Variants in PLA2G2C observed in about 807,000 individuals in gnomAD.
PLA2G2C encodes putative inactive group IIC secretory phospholipase A2.
In PLA2G2C, 15 loss-of-function variants were observed where a neutral mutation model predicts 14.3. The observed-to-expected ratio is 1.05, with a 90% CI of 0.70 to 1.62. The LOEUF (loss-of-function observed/expected upper bound fraction) is 1.62, where lower values mean the gene tolerates loss of function less well. PLA2G2C is among the 40% of genes most tolerant of loss of function. PLA2G2C has a pLI of 0.00. For synonymous variants in PLA2G2C, 79 were observed against 67.7 expected (o/e 1.17, Z -0.82); for missense variants, 162 against 173.2 (o/e 0.94, Z 0.36).
At position 20,172,907 on chromosome 1, in the gene PLA2G2C, G is replaced by T; in HGVS notation, c.180-10C>A. ...AGATGAGGGGCTGTGCCTGGAAGTG[G>T]GTCCCTCAGGAATCTGCTGGAGGAC... On this transcript the variant is annotated splice_polypyrimidine_tract_variant and intron_variant, in intron 3 of 4. Coordinates refer to ENST00000679259, the MANE Select transcript of PLA2G2C (RefSeq NM_001367969.2). 6.2e-7 allele frequency: 1 copy of T among 1,607,038 alleles called. No homozygotes were observed. The highest frequency in any genetic ancestry group is 8.5e-7 in the Non-Finnish European group (1 of 1,174,180).
At chr1:20,184,541 G>C (rs1458620805) in intron 1 of PLA2G2C, 1 of 152,226 alleles carries the variant, frequency 6.6e-6, no homozygotes, top group Admixed American at 6.5e-5. Context: ...CAACTCCCAC[G>C]GGTCACAGAC....
chr1:20,168,146 T>C (rs937213674), intron 4 of PLA2G2C, among the ~76,000 whole-genome samples: 2 of 152,204 alleles, frequency 1.3e-5, no homozygotes, highest in African/African-American at 4.8e-5. Flanking sequence ...GAAGCCAGGT[T>C]CTTGGGCCAA....
Position 20,163,185 on chromosome 1 carries a change from C to T in PLA2G2C, c.*806G>A, listed in dbSNP as rs1335441034. 6.6e-6 allele frequency: 1 copy of T among 152,250 alleles called. No individual in the cohort carries two copies. Among genetic ancestry groups the T allele is most frequent in the Non-Finnish European group, 1.5e-5 (1 of 68,046 alleles). The allele number at this position is 152,250 out of a possible 1,614,324, so 9.4% of individuals were successfully genotyped here. On this transcript the variant is annotated 3_prime_UTR_variant, in exon 5 of 5. Coordinates refer to ENST00000679259, the MANE Select transcript of PLA2G2C (RefSeq NM_001367969.2). Reference sequence around the variant, plus strand: ...ATCTGTAGTCAGCTACAAGCTGAGTCTCGCTGAGCTCTCTCTCACGTGTCT... The same window carrying T: ...ATCTGTAGTCAGCTACAAGCTGAGTTTCGCTGAGCTCTCTCTCACGTGTCT...
At chr1:20,185,158 A>G (rs183578102) in intron 1 of PLA2G2C, among the ~76,000 whole-genome samples, 6 of 152,162 alleles carry the variant, frequency 3.9e-5, no homozygotes, top group African/African-American at 1.4e-4. Flanking sequence ...GAAGAAAAAG[A>G]AGAAAGGAGG....
At chr1:20,178,362 T>C (rs930112986) in intron 1 of PLA2G2C, among the ~76,000 whole-genome samples, 7 of 152,108 alleles carry the variant, frequency 4.6e-5, no homozygotes, top group African/African-American at 1.7e-4. Context: ...CCTAGAGAAG[T>C]TGGCAGGTGC....
At chr1:20,166,798 GCCTGC>G (rs2017987414) in intron 4 of PLA2G2C, among the ~76,000 whole-genome samples, 1 of 152,030 alleles carries the variant, frequency 6.6e-6, no homozygotes, top group Non-Finnish European at 1.5e-5. Context: ...TACTTCAGTG[GCCTGC>G]CCCATTGCCA....
intron 4 of PLA2G2C, among the ~76,000 whole-genome samples, chr1:20,172,234 G>T (rs987338361): frequency 6.6e-6 from 1 of 152,102 alleles, no homozygotes; most frequent in Non-Finnish European, 1.5e-5. Context: ...CCTACCAGCC[G>T]CAGAACACGC....
Position 20,175,149 on chromosome 1 carries a change from C to T in PLA2G2C, c.41-4G>A, listed in dbSNP as rs370148814. ...CAGAAACTGCTGTGGGTGGGGGCTG[C>T]CACCACCGATGAGAAAAAAAGGAAG... On this transcript the variant is annotated splice_polypyrimidine_tract_variant and splice_region_variant and intron_variant, in intron 2 of 4. Coordinates refer to ENST00000679259, the MANE Select transcript of PLA2G2C (RefSeq NM_001367969.2). 1 of 1,613,808 alleles carries T rather than the reference C, an allele frequency of 6.2e-7. No homozygotes were observed. Among genetic ancestry groups the T allele is most frequent in the Non-Finnish European group, 8.5e-7 (1 of 1,179,838 alleles).
chr1:20,179,812 C>G (rs950617871), intron 1 of PLA2G2C, among the ~76,000 whole-genome samples: 2 of 148,982 alleles, frequency 1.3e-5, no homozygotes, highest in African/African-American at 5.0e-5. Flanking sequence ...GTTGGCTTCT[C>G]TGTGTGTGTG....
At chr1:20,180,213 C>G (rs939626508) in intron 1 of PLA2G2C, among the ~76,000 whole-genome samples, 1 of 152,102 alleles carries the variant, frequency 6.6e-6, no homozygotes, top group African/African-American at 2.4e-5. Flanking sequence ...CAGCAACATA[C>G]TTTTTTTGCA....
At chr1:20,166,151 G>A (rs889002516) in intron 4 of PLA2G2C, among the ~76,000 whole-genome samples, 1 of 152,190 alleles carries the variant, frequency 6.6e-6, no homozygotes, top group Non-Finnish European at 1.5e-5. Context: ...CCAGCTCCAC[G>A]TGGAGAAAAA....
intron 4 of PLA2G2C, among the ~76,000 whole-genome samples, chr1:20,171,588 A>C (rs2315355): frequency 0.58 from 88,287 of 151,702 alleles, 25,949 homozygotes; most frequent in East Asian, 0.71. Flanking sequence ...ATCTCCCGCC[A>C]TAGGGGATGA....
chr1:20,183,840 G>C (rs1361670963), intron 1 of PLA2G2C, among the ~76,000 whole-genome samples: 3 of 152,224 alleles, frequency 2.0e-5, no homozygotes, highest in Non-Finnish European at 4.4e-5. Flanking sequence ...GAGAGAGCTG[G>C]AGAGTAGATT....
chr1:20,171,915 T>C lies in PLA2G2C; in HGVS notation c.283+879A>G, dbSNP rs1347376973. On this transcript the variant is annotated intron_variant, in intron 4 of 4. Coordinates refer to ENST00000679259, the MANE Select transcript of PLA2G2C (RefSeq NM_001367969.2). ...TAGCTGGGACTACAGGCGCCCACCA[T>C]CACGCCCGGCTAATTTTTTTTGTAT... 7.9e-5 allele frequency among the ~76,000 whole-genome samples: 12 copies of C among 151,210 alleles called. No individual in the cohort carries two copies. The East Asian group carries it at 9.8e-4, about 12-fold the overall frequency.
At chr1:20,183,725 T>A (rs1351149814) in intron 1 of PLA2G2C, among the ~76,000 whole-genome samples, 1 of 152,172 alleles carries the variant, frequency 6.6e-6, no homozygotes, top group African/African-American at 2.4e-5. Flanking sequence ...TCAGTCATTT[T>A]GGCTTAACTT....
At chr1:20,180,977 A>T (rs564001556) in intron 1 of PLA2G2C, among the ~76,000 whole-genome samples, 1 of 152,342 alleles carries the variant, frequency 6.6e-6, no homozygotes, top group East Asian at 1.9e-4. Flanking sequence ...CTCATTAAGG[A>T]CAGAGGTCAG....
intron 4 of PLA2G2C, among the ~76,000 whole-genome samples, chr1:20,166,720 C>T (rs1270848235): frequency 6.6e-6 from 1 of 152,164 alleles, no homozygotes; most frequent in African/African-American, 2.4e-5. Flanking sequence ...TTCCTTTCTC[C>T]CTGCCCCCTC....
chr1:20,177,529 C>T, intron 1 of PLA2G2C, 90 bp from the exon 2 acceptor site: 1 of 452,430 alleles, frequency 2.2e-6, no homozygotes, highest in South Asian at 5.5e-5. Context: ...CAGCAGAGGA[C>T]TCAAAGAAAT....
rs112630926 is a variant in PLA2G2C, at chr1:20,165,831, G to C, written c.284-1674C>G. Among the ~76,000 whole-genome samples, 1,481 of 152,218 alleles carry C rather than the reference G, an allele frequency of 9.7e-3. 22 individuals carry two copies. Among genetic ancestry groups the C allele is most frequent in the African/African-American group, 0.033 (1,373 of 41,540 alleles). Reference sequence around the variant, plus strand: ...TGTGCGTGTGTGTGTGTGTGCGCGCGCGCATGTGTGTTTAGGGCTCTCAGG... The same window carrying C: ...TGTGCGTGTGTGTGTGTGTGCGCGCCCGCATGTGTGTTTAGGGCTCTCAGG... On this transcript the variant is annotated intron_variant, in intron 4 of 4. Transcript: ENST00000679259.
Sources: gnomAD v4.1 joint callset for allele counts (sites outside exome capture counted in the v4.1 genomes callset) on GRCh38, gnomAD v4.1.1 for gene constraint, MANE v1.5 for transcripts, NCBI Gene and HGNC (gene_info 2026-07-23, HGNC 2026-07-21) for gene names.